Variants in SLC9A1 observed in about 807,000 individuals in gnomAD.
The protein encoded by SLC9A1 is solute carrier family 9 member A1.
Under a neutral mutation model 67.9 loss-of-function variants are expected in SLC9A1, and 22 were observed. That is an observed-to-expected ratio of 0.32 (90% confidence interval 0.23 to 0.46). The LOEUF is 0.46. SLC9A1 is among the 20% of genes least tolerant of loss of function. SLC9A1 has a pLI of 1.00. For synonymous variants in SLC9A1, 421 were observed against 471.8 expected (o/e 0.89, Z 1.40); for missense variants, 686 against 1,094.8 (o/e 0.63, Z 5.27).
In SLC9A1 at chr1:27,152,034, G is replaced by A. The variant is rs74061722; in HGVS notation, c.352+1949C>T. 4.7e-3 allele frequency among the ~76,000 whole-genome samples: 712 copies of A among 152,302 alleles called. 6 individuals carry two copies. Among genetic ancestry groups the A allele is most frequent in the African/African-American group, 0.016 (672 of 41,564 alleles). The stretch of plus-strand genomic sequence containing the variant: ...CTGGAAGGGACCACAAAGATCAACT[G>A]ATGGGTAGGGAGGCGTGACTGGTCC... On this transcript the variant is annotated intron_variant, in intron 1 of 11. Transcript: ENST00000263980.
Position 27,114,258 on chromosome 1 carries a change from G to C in SLC9A1, c.381C>G (p.Ser127Arg), listed in dbSNP as rs918002819. ...IGFHVIPTIS[S>R]IVPESCLLIV... ...TCAGCAGGCAGCTCTCCGGGACGAT[G>C]CTTGAGATAGTGGGGATCACATGGA... The change falls in exon 2 of 12, where the codon AGC becomes AGG. Residue 127 changes from serine (S) to arginine (R), a missense_variant. Ser to Arg is a moderately radical substitution (Grantham distance 110). Coordinates refer to ENST00000263980, the MANE Select transcript of SLC9A1 (RefSeq NM_003047.5). This position sits in a 1 kb window ranked among gnomAD's most constrained non-coding sequence, Gnocchi z 5.4. The C allele has an allele frequency of 3.1e-6, 5 of 1,612,874 alleles. No individual in the cohort carries two copies. In the African/African-American group the frequency reaches 6.7e-5, roughly 22 times the overall value.
At chr1:27,121,087 G>A (rs1332172887) in intron 1 of SLC9A1, among the ~76,000 whole-genome samples, 1 of 152,154 alleles carries the variant, frequency 6.6e-6, no homozygotes, top group African/African-American at 2.4e-5. Context: ...TCTGTTCCAA[G>A]TACCTGGGCA....
chr1:27,102,328 C>T (rs887933719), intron 8 of SLC9A1, 57 bp downstream of exon 8: 80 of 1,543,532 alleles, frequency 5.2e-5, no homozygotes, highest in Non-Finnish European at 6.2e-5. Context: ...CACCTCCAAC[C>T]GGGCTTGAGG....
intron 1 of SLC9A1, among the ~76,000 whole-genome samples, chr1:27,151,355 AT>A (rs896497143): frequency 5.3e-5 from 8 of 151,558 alleles, no homozygotes; most frequent in African/African-American, 1.5e-4. Context: ...TTCCCATTTT[AT>A]TTTTTTTTAT....
chr1:27,125,313 T>C (rs541636979), intron 1 of SLC9A1, among the ~76,000 whole-genome samples: 1 of 138,252 alleles, frequency 7.2e-6, no homozygotes, highest in East Asian at 2.5e-4. Flanking sequence ...TGGCGCAATC[T>C]TGGCTCACTT....
chr1:27,123,504 T>A (rs1209818724), intron 1 of SLC9A1, among the ~76,000 whole-genome samples: 1 of 152,016 alleles, frequency 6.6e-6, no homozygotes, highest in Middle Eastern at 3.2e-3. Flanking sequence ...TTTATTTTTA[T>A]TGGGCTTTTT....
rs182393774 is a variant in SLC9A1 at position 27,146,933 on chromosome 1, C to T, written c.352+7050G>A. Among the ~76,000 whole-genome samples the T allele has an allele frequency of 1.6e-3, 250 of 152,196 alleles. 1 individual carries two copies. Among genetic ancestry groups the T allele is most frequent in the Middle Eastern group, 6.8e-3 (2 of 294 alleles). ...GGCAGATCGCCTGAGGTCAGGAGTTCAAGACCAGCCTGGCCAACATGGCGA... is the reference window on the plus strand; with the variant it reads ...GGCAGATCGCCTGAGGTCAGGAGTTTAAGACCAGCCTGGCCAACATGGCGA... On this transcript the variant is annotated intron_variant, in intron 1 of 11. Coordinates refer to ENST00000263980, the MANE Select transcript of SLC9A1 (RefSeq NM_003047.5).
chr1:27,133,791 A>T (rs2083401572), intron 1 of SLC9A1, among the ~76,000 whole-genome samples: 1 of 149,828 alleles, frequency 6.7e-6, no homozygotes, highest in Non-Finnish European at 1.5e-5. Context: ...TTGGGACAGA[A>T]TCTCAGTCTG....
rs1293058681 is a variant in SLC9A1, at chr1:27,118,436, T to A, written c.353-4150A>T. Among the ~76,000 whole-genome samples the A allele has an allele frequency of 1.2e-4, 18 of 152,160 alleles. No homozygotes were observed. Among genetic ancestry groups the A allele is most frequent in the Admixed American group, 1.2e-3 (18 of 15,276 alleles). On this transcript the variant is annotated intron_variant, in intron 1 of 11. Coordinates refer to ENST00000263980, the MANE Select transcript of SLC9A1 (RefSeq NM_003047.5). This position sits in a 1 kb window ranked among gnomAD's most constrained non-coding sequence, Gnocchi z 4.3. ...AGCAGCCCCTGGACCTGCGCTGGCT[T>A]GTCCCTCTCCTAACGCCCTGACTCC...
At position 27,100,282 on chromosome 1, in the gene SLC9A1, C is replaced by T. The variant is rs200032250; in HGVS notation, c.*25G>A. 566 of 1,488,008 alleles carry T rather than the reference C, an allele frequency of 3.8e-4. No individual in the cohort carries two copies. The highest frequency in any genetic ancestry group is 2.0e-3 in the Middle Eastern group (11 of 5,388). 92.2% of individuals were successfully genotyped at this position (1,488,008 alleles called of 1,614,324 possible). A position where few individuals can be genotyped will look rare whatever the true frequency, so the allele number is the denominator to read the frequency against. ...TCTGGTGGAAGAGTCTGTGAGGGGACAGGCGCTGCCTGCTGGCCCTGGTGT... is the reference window on the plus strand; with the variant it reads ...TCTGGTGGAAGAGTCTGTGAGGGGATAGGCGCTGCCTGCTGGCCCTGGTGT... On this transcript the variant is annotated 3_prime_UTR_variant, in exon 12 of 12. Coordinates refer to ENST00000263980, the MANE Select transcript of SLC9A1 (RefSeq NM_003047.5). The surrounding 1 kb of genome is among the most constrained non-coding windows in gnomAD (Gnocchi z 5.6).
rs2083427909 is a variant in SLC9A1 at position 27,137,613 on chromosome 1, A to G, written c.352+16370T>C. On this transcript the variant is annotated intron_variant, in intron 1 of 11. Coordinates refer to ENST00000263980, the MANE Select transcript of SLC9A1 (RefSeq NM_003047.5). The surrounding 1 kb of genome is among the most constrained non-coding windows in gnomAD (Gnocchi z 4.6). ...AGTCTCTAGGATCCCTCCCAGTGCT[A>G]AAGTCTGGTTCTGATTCTAGGTCTG... Among the ~76,000 whole-genome samples the G allele has an allele frequency of 6.6e-6, 1 of 152,110 alleles. No homozygotes were observed. The highest frequency in any genetic ancestry group is 1.5e-5 in the Non-Finnish European group (1 of 68,000).
At chr1:27,102,913 CCT>C in intron 6 of SLC9A1, 170 bp from the exon 7 acceptor site, 1 of 656,210 alleles carries the variant, frequency 1.5e-6, no homozygotes, top group Non-Finnish European at 2.7e-6. Flanking sequence ...ACCCAGCGGC[CCT>C]GACTCTGGGT....
In SLC9A1 at chr1:27,107,680, G is replaced by A; in HGVS notation, c.1250C>T (p.Thr417Ile). 1 of 1,565,028 alleles carries A rather than the reference G, an allele frequency of 6.4e-7. No homozygotes were observed. Among genetic ancestry groups the A allele is most frequent in the South Asian group, 1.2e-5 (1 of 85,182 alleles). ...HHWNWTFVIS[T>I]LLFCLIARVL... Reference sequence around the variant, plus strand: ...GCGGGCGATGAGGCAGAAGAGCAGGGTGCTGATGACGAAGGTCCAGTTCCA... The same window carrying A: ...GCGGGCGATGAGGCAGAAGAGCAGGATGCTGATGACGAAGGTCCAGTTCCA... Residue 417 changes from threonine (T) to isoleucine (I), a missense_variant, in exon 4 of 12, where the codon ACC becomes ATC. Coordinates refer to ENST00000263980, the MANE Select transcript of SLC9A1 (RefSeq NM_003047.5).
intron 1 of SLC9A1, among the ~76,000 whole-genome samples, chr1:27,140,574 C>A (rs1019626091): frequency 6.6e-6 from 1 of 152,162 alleles, no homozygotes; most frequent in African/African-American, 2.4e-5. Context: ...CCCCTTTAGA[C>A]TGGGGAAACT....
chr1:27,100,533 A>C lies in SLC9A1; in HGVS notation c.2222T>G (p.Val741Gly). The change falls in exon 12 of 12, where the codon GTC (valine) becomes GGC (glycine). Residue 741 changes from valine to glycine, a missense_variant. Val to Gly is a moderately radical substitution (Grantham distance 109). Coordinates refer to ENST00000263980, the MANE Select transcript of SLC9A1 (RefSeq NM_003047.5). This position sits in a 1 kb window ranked among gnomAD's most constrained non-coding sequence, Gnocchi z 5.6. Reference protein sequence around the residue: ...DLVNEELKGKVLGLSRDPAKV... With the variant: ...DLVNEELKGKGLGLSRDPAKV... The stretch of plus-strand genomic sequence containing the variant: ...TGCAGGATCCCGGCTCAACCCTAAG[A>C]CTTTGCCCTTCAGCTCTTCATTCAC... The C allele has an allele frequency of 6.2e-7, 1 of 1,613,900 alleles. No homozygotes were observed. Among genetic ancestry groups the C allele is most frequent in the Non-Finnish European group, 8.5e-7 (1 of 1,179,894 alleles).
In SLC9A1 at chr1:27,123,592, C is replaced by A. The variant is rs567924638; in HGVS notation, c.353-9306G>T. Among the ~76,000 whole-genome samples the A allele has an allele frequency of 6.9e-4, 105 of 151,888 alleles. 1 individual carries two copies. The highest frequency in any genetic ancestry group is 2.5e-3 in the African/African-American group (103 of 41,408). On this transcript the variant is annotated intron_variant, in intron 1 of 11. Transcript: ENST00000263980. ...ATGGCACAATCTTGGCTCACTGCAACCTCCGCCTCCTGGGTTCAAGTGATT... is the reference window on the plus strand; with the variant it reads ...ATGGCACAATCTTGGCTCACTGCAAACTCCGCCTCCTGGGTTCAAGTGATT...
intron 2 of SLC9A1, among the ~76,000 whole-genome samples, chr1:27,110,004 G>C (rs933289855): frequency 6.6e-6 from 1 of 152,218 alleles, no homozygotes; most frequent in Non-Finnish European, 1.5e-5. Flanking sequence ...GGTGGGCCCT[G>C]GGAAGCTCTG....
At position 27,101,614 on chromosome 1, in the gene SLC9A1, C is replaced by T; in HGVS notation, c.2037+111G>A. On this transcript the variant is annotated intron_variant, in intron 10 of 11. Transcript: ENST00000263980. This position sits in a 1 kb window ranked among gnomAD's most constrained non-coding sequence, Gnocchi z 4.9. ...CTCCATGCCCTTACACTGCTAAAAG[C>T]CCCTCGAAAGCCAAACCCTGTTCCT... The T allele has an allele frequency of 2.6e-6, 2 of 770,544 alleles. No individual in the cohort carries two copies. The highest frequency in any genetic ancestry group is 2.2e-6 in the Non-Finnish European group (1 of 456,458). The allele number at this position is 770,544 out of a possible 1,614,324, so 47.7% of individuals were successfully genotyped here.
At position 27,120,003 on chromosome 1, in the gene SLC9A1, G is replaced by A. The variant is rs946690852; in HGVS notation, c.353-5717C>T. Among the ~76,000 whole-genome samples, 15 of 152,170 alleles carry A rather than the reference G, an allele frequency of 9.9e-5. 1 individual carries two copies. The highest frequency in any genetic ancestry group is 6.8e-3 in the Middle Eastern group (2 of 294). On this transcript the variant is annotated intron_variant, in intron 1 of 11. Coordinates refer to ENST00000263980, the MANE Select transcript of SLC9A1 (RefSeq NM_003047.5). ...CTCCTAAGTTAACTCAGCCAGGAGG[G>A]GAAGGTTGCAGTGAGCCAAGATTGC...
Sources: allele counts gnomAD v4.1 joint callset (sites outside exome capture counted in the v4.1 genomes callset), GRCh38; gene constraint gnomAD v4.1.1; non-coding constraint Gnocchi (gnomAD v3.1); transcripts MANE v1.5; gene names NCBI Gene and HGNC (gene_info 2026-07-23, HGNC 2026-07-21).